POU6F2: variants seen among roughly 807,000 people sequenced by gnomAD.
POU6F2 encodes the protein POU domain, class 6, transcription factor 2.
A neutral mutation model predicts 71.3 loss-of-function variants in POU6F2; 31 were observed. The ratio of observed to expected loss-of-function variants is 0.43; its 90% CI spans 0.33 to 0.59. POU6F2 has a LOEUF of 0.59. Among genes scored for constraint, POU6F2 ranks in the 20% least tolerant of loss-of-function variants. The pLI is 0.04. For missense variants in POU6F2, 783 were observed against 856.8 expected (o/e 0.91, Z 1.07); for synonymous variants, 347 against 355.7 (o/e 0.98, Z 0.27).
chr7:39,266,618 C>G (rs1784247311), intron 4 of POU6F2, among the ~76,000 whole-genome samples: 1 of 151,750 alleles, frequency 6.6e-6, no homozygotes, highest in East Asian at 1.9e-4. Flanking sequence ...ATAGCCTTGA[C>G]CTCCTGGGCT....
At chr7:39,365,247 C>T (rs183423217) in intron 5 of POU6F2, among the ~76,000 whole-genome samples, 84 of 152,182 alleles carry the variant, frequency 5.5e-4, no homozygotes, top group Admixed American at 9.8e-4. Flanking sequence ...TTACTTACAG[C>T]CAAGTGATCT....
intron 1 of POU6F2, among the ~76,000 whole-genome samples, chr7:39,076,033 A>G (rs527488741): frequency 9.8e-5 from 15 of 152,346 alleles, no homozygotes; most frequent in Non-Finnish European, 1.9e-4. Context: ...ATGTGTGTGC[A>G]GAGTCAGAGA....
At chr7:39,147,905 G>A (rs1300697993) in intron 2 of POU6F2, among the ~76,000 whole-genome samples, 6 of 152,166 alleles carry the variant, frequency 3.9e-5, no homozygotes, top group Non-Finnish European at 8.8e-5. Context: ...CTTTTATGCA[G>A]TCTATGACCA....
chr7:39,287,650 G>C (rs1279735424), intron 4 of POU6F2, among the ~76,000 whole-genome samples: 6 of 152,064 alleles, frequency 3.9e-5, no homozygotes, highest in Admixed American at 1.3e-4. Context: ...GACACACACA[G>C]AAAAAAACAC....
intron 1 of POU6F2, among the ~76,000 whole-genome samples, chr7:38,992,596 T>C (rs1788632474): frequency 6.6e-6 from 1 of 152,140 alleles, no homozygotes; most frequent in Non-Finnish European, 1.5e-5. Context: ...GATTTTAAGT[T>C]ACATGGGGAC....
intron 4 of POU6F2, among the ~76,000 whole-genome samples, chr7:39,227,028 T>C (rs979231789): frequency 6.6e-6 from 1 of 152,228 alleles, no homozygotes; most frequent in Non-Finnish European, 1.5e-5. Context: ...TTTGACCTTG[T>C]ACTAAAGCAT....
chr7:39,074,026 C>G (rs553804764), intron 1 of POU6F2, among the ~76,000 whole-genome samples: 1 of 152,266 alleles, frequency 6.6e-6, no homozygotes, highest in African/African-American at 2.4e-5. Context: ...GTTTCCTTCT[C>G]AAAAGACTTC....
chr7:39,345,228 C>G (rs904732847), intron 5 of POU6F2, among the ~76,000 whole-genome samples: 1 of 152,142 alleles, frequency 6.6e-6, no homozygotes, highest in Non-Finnish European at 1.5e-5. Context: ...ATCTTGATTA[C>G]TACGTTTCTG....
chr7:39,227,174 T>G (rs1017765080), intron 4 of POU6F2, among the ~76,000 whole-genome samples: 12 of 152,236 alleles, frequency 7.9e-5, no homozygotes, highest in Non-Finnish European at 1.5e-4. Flanking sequence ...ATTAAGGTCT[T>G]TGGCTAAATT....
At chr7:39,016,272 T>TA (rs1789546738) in intron 1 of POU6F2, among the ~76,000 whole-genome samples, 1 of 148,460 alleles carries the variant, frequency 6.7e-6, no homozygotes, top group Non-Finnish European at 1.5e-5. Flanking sequence ...GTATATACTA[T>TA]ATAATAACAA....
intron 4 of POU6F2, among the ~76,000 whole-genome samples, chr7:39,245,200 T>C (rs962604364): frequency 8.5e-5 from 13 of 152,196 alleles, no homozygotes; most frequent in Admixed American, 6.5e-4. Flanking sequence ...GGAGAAAATA[T>C]CTGGCCCTGC....
chr7:39,087,140 CTTTA>C (rs1258474723), intron 2 of POU6F2, among the ~76,000 whole-genome samples: 14 of 110,694 alleles, frequency 1.3e-4, no homozygotes, highest in Non-Finnish European at 2.4e-4. Flanking sequence ...GAAACACAGG[CTTTA>C]TTAATTAATT....
intron 1 of POU6F2, among the ~76,000 whole-genome samples, chr7:39,056,660 C>CTG (rs1242427555): frequency 4.5e-4 from 45 of 98,932 alleles, no homozygotes; most frequent in Middle Eastern, 5.6e-3. Context: ...CTCTCTCTCT[C>CTG]TCTGTGTGTG....
chr7:39,088,771 A>G (rs1215608766), intron 2 of POU6F2, among the ~76,000 whole-genome samples: 2 of 152,146 alleles, frequency 1.3e-5, no homozygotes, highest in African/African-American at 4.8e-5. Flanking sequence ...TTGTACCTGA[A>G]ATTTCAGTAT....
chr7:39,312,868 G>A (rs376052473), intron 4 of POU6F2, among the ~76,000 whole-genome samples: 11 of 152,266 alleles, frequency 7.2e-5, no homozygotes, highest in South Asian at 6.2e-4. Flanking sequence ...AGAGTGGGAC[G>A]GTGTGAGATT....
intron 2 of POU6F2, among the ~76,000 whole-genome samples, chr7:39,155,273 A>G (rs1434054737): frequency 2.7e-5 from 4 of 148,420 alleles, no homozygotes; most frequent in African/African-American, 7.5e-5. Flanking sequence ...GTTGGGGGGG[A>G]GTTCAGTCCT....
chr7:39,037,375 C>G (rs1268452171), intron 1 of POU6F2, among the ~76,000 whole-genome samples: 2 of 151,980 alleles, frequency 1.3e-5, no homozygotes, highest in East Asian at 1.9e-4. Flanking sequence ...CAGCAGCACC[C>G]TGGGTCTCGG....
At position 39,386,117 on chromosome 7, in the gene POU6F2, C is replaced by CAAA. The variant is rs531818996; in HGVS notation, c.973-20467_973-20465dup. 3.6e-3 allele frequency among the ~76,000 whole-genome samples: 329 copies of CAAA among 91,300 alleles called. 2 individuals carry two copies. The highest frequency in any genetic ancestry group is 0.012 in the African/African-American group (310 of 25,528). 59.9% of individuals were successfully genotyped at this position (91,300 alleles called of 152,430 possible). A position where few individuals can be genotyped will look rare whatever the true frequency, so the allele number is the denominator to read the frequency against. On this transcript the variant is annotated intron_variant, in intron 5 of 9. Transcript: ENST00000518318. ...TGGGCAACAGAGCAAGACTCCGTCT[C>CAAA]AAAAAAAAAAAAAAAAAAGAACCAA...
intron 1 of POU6F2, among the ~76,000 whole-genome samples, chr7:39,016,546 A>G (rs1789552796): frequency 6.6e-6 from 1 of 152,084 alleles, no homozygotes; most frequent in Non-Finnish European, 1.5e-5. Context: ...GTTAAAAACA[A>G]TATAGCTCCC....
Sources: gnomAD v4.1 joint callset for allele counts (sites outside exome capture counted in the v4.1 genomes callset) on GRCh38, gnomAD v4.1.1 for gene constraint, MANE v1.5 for transcripts, NCBI Gene and HGNC (gene_info 2026-07-23, HGNC 2026-07-21) for gene names.